The following FGF14 variants were observed in gnomAD, a reference collection of about 807,000 sequenced individuals.
FGF14 encodes fibroblast growth factor homologous factor 4.
In FGF14, 5 loss-of-function variants were observed where a neutral mutation model predicts 25.5. The observed-to-expected ratio is 0.20, with a 90% CI of 0.10 to 0.41. The LOEUF is 0.41. FGF14 is among the 10% of genes least tolerant of loss of function. The pLI, the probability that FGF14 is intolerant of heterozygous loss-of-function variation, is 1.00. For missense variants in FGF14, 222 were observed against 320.1 expected, an observed-to-expected ratio of 0.69 and a Z score of 2.34; for synonymous variants, 138 against 118.3, an observed-to-expected ratio of 1.17 and a Z score of -1.08.
At chr13:102,304,108 T>A (rs186810487) in intron 1 of FGF14, among the ~76,000 whole-genome samples, 1 of 152,190 alleles carries the variant, frequency 6.6e-6, no homozygotes, top group East Asian at 1.9e-4. Flanking sequence ...ATCATCATCA[T>A]CATCATCATA....
At chr13:102,147,553 C>G (rs183166934) in intron 1 of FGF14, among the ~76,000 whole-genome samples, 3 of 152,248 alleles carry the variant, frequency 2.0e-5, no homozygotes, top group Non-Finnish European at 4.4e-5. Flanking sequence ...TGCAGAGATA[C>G]AAAAGATTAC....
intron 1 of FGF14, among the ~76,000 whole-genome samples, chr13:102,082,726 G>A (rs1033668211): frequency 9.9e-5 from 15 of 152,150 alleles, no homozygotes; most frequent in African/African-American, 2.6e-4. Flanking sequence ...AGGCCGAGGC[G>A]GGCGGATCAC....
chr13:101,733,574 A>G (rs1290581564), intron 3 of FGF14, among the ~76,000 whole-genome samples: 1 of 143,342 alleles, frequency 7.0e-6, no homozygotes, highest in Non-Finnish European at 1.5e-5. Context: ...CAGCCTGGCG[A>G]CAGAACAAGA....
At chr13:102,182,205 C>A (rs1036868373) in intron 1 of FGF14, among the ~76,000 whole-genome samples, 1 of 152,078 alleles carries the variant, frequency 6.6e-6, no homozygotes, top group African/African-American at 2.4e-5. Context: ...TTTACAGAGA[C>A]GCTACATTCC....
At chr13:101,743,323 G>A (rs181996449) in intron 3 of FGF14, among the ~76,000 whole-genome samples, 13 of 152,262 alleles carry the variant, frequency 8.5e-5, no homozygotes, top group Admixed American at 7.9e-4. Flanking sequence ...TAACTGTGAG[G>A]CAGATCAATA....
In FGF14 at chr13:101,881,383, T is replaced by A. The variant is rs77326784; in HGVS notation, c.194-6087A>T. Among the ~76,000 whole-genome samples, 1,740 of 152,276 alleles carry A rather than the reference T, an allele frequency of 0.011. 124 individuals carry two copies. The East Asian group carries it at 0.18, about 16-fold the overall frequency. ...AATGGACAATAAAATGGCCAAAATA[T>A]CAAATCTATTGTCCCACCTTATTTA... On this transcript the variant is annotated intron_variant, in intron 1 of 4. Coordinates refer to ENST00000376143, the MANE Select transcript of FGF14 (RefSeq NM_004115.4).
chr13:102,200,868 C>T (rs2049590442), intron 1 of FGF14, among the ~76,000 whole-genome samples: 1 of 151,890 alleles, frequency 6.6e-6, no homozygotes, highest in Non-Finnish European at 1.5e-5. Context: ...ATTGGGAGGA[C>T]AAGGCGGGCG....
chr13:102,333,882 G>A (rs767073844), intron 1 of FGF14, among the ~76,000 whole-genome samples: 3 of 152,178 alleles, frequency 2.0e-5, no homozygotes, highest in Non-Finnish European at 4.4e-5. Context: ...TTTGACGACT[G>A]AAGGGTGCAT....
intron 3 of FGF14, among the ~76,000 whole-genome samples, chr13:101,825,237 C>G (rs563385082): frequency 6.6e-5 from 10 of 152,162 alleles, no homozygotes; most frequent in African/African-American, 2.2e-4. Context: ...CTGACACTAA[C>G]TCCAGGCAGA....
chr13:102,399,456 C>T (rs532634382), intron 1 of FGF14, among the ~76,000 whole-genome samples: 5 of 152,282 alleles, frequency 3.3e-5, no homozygotes, highest in African/African-American at 9.6e-5. Flanking sequence ...AAGCAGTCAC[C>T]CCTGCCCTTC....
At chr13:101,897,082 A>T (rs1280712374) in intron 1 of FGF14, among the ~76,000 whole-genome samples, 1 of 152,190 alleles carries the variant, frequency 6.6e-6, no homozygotes, top group Non-Finnish European at 1.5e-5. Flanking sequence ...AATTAGAAAC[A>T]TGGTATGCTA....
At chr13:101,994,022 A>G (rs1007066338) in intron 1 of FGF14, among the ~76,000 whole-genome samples, 2 of 152,092 alleles carry the variant, frequency 1.3e-5, no homozygotes, top group Admixed American at 1.3e-4. Context: ...CATTTCTTAC[A>G]TGTGATAATA....
chr13:102,032,031 C>T (rs898802018), intron 1 of FGF14, among the ~76,000 whole-genome samples: 1 of 152,064 alleles, frequency 6.6e-6, no homozygotes, highest in African/African-American at 2.4e-5. Context: ...GAATTTATAA[C>T]ATCAAGGGAA....
At chr13:101,909,826 AG>A (rs1296801106) in intron 1 of FGF14, among the ~76,000 whole-genome samples, 1 of 152,222 alleles carries the variant, frequency 6.6e-6, no homozygotes, top group Non-Finnish European at 1.5e-5. Context: ...ACAATAGCAA[AG>A]ACTTGGAACC....
chr13:102,360,049 A>G (rs2057523709), intron 1 of FGF14, among the ~76,000 whole-genome samples: 1 of 152,186 alleles, frequency 6.6e-6, no homozygotes, highest in Admixed American at 6.5e-5. Flanking sequence ...AGCTATAAAT[A>G]TCAGAAGTAG....
intron 2 of FGF14, among the ~76,000 whole-genome samples, chr13:101,870,383 A>T (rs1416153714): frequency 6.6e-6 from 1 of 152,176 alleles, no homozygotes; most frequent in African/African-American, 2.4e-5. Flanking sequence ...TTGGAGGGAA[A>T]ACCATAATCA....
chr13:101,840,895 T>A lies in FGF14; in HGVS notation c.408+27830A>T, dbSNP rs146307711. 4.6e-5 allele frequency among the ~76,000 whole-genome samples: 7 copies of A among 152,136 alleles called. No individual in the cohort carries two copies. In the East Asian group the frequency reaches 7.8e-4, roughly 17 times the overall value. The stretch of plus-strand genomic sequence containing the variant: ...AACATTTTATGTCTACATAAACTGG[T>A]ACAAAGATGCCATTATCGGGGCAAT... On this transcript the variant is annotated intron_variant, in intron 3 of 4. Coordinates refer to ENST00000376143, the MANE Select transcript of FGF14 (RefSeq NM_004115.4).
chr13:102,150,083 A>G (rs1442098733), intron 1 of FGF14, among the ~76,000 whole-genome samples: 1 of 152,150 alleles, frequency 6.6e-6, no homozygotes, highest in African/African-American at 2.4e-5. Context: ...AAGCGGAGTA[A>G]GACAGTGGAA....
At chr13:102,214,146 A>C (rs1566824652) in intron 1 of FGF14, among the ~76,000 whole-genome samples, 1 of 152,222 alleles carries the variant, frequency 6.6e-6, no homozygotes, top group Non-Finnish European at 1.5e-5. Flanking sequence ...CATAACTTGT[A>C]ATACTTGAGT....
Sources: allele counts gnomAD v4.1 joint callset (sites outside exome capture counted in the v4.1 genomes callset), GRCh38; gene constraint gnomAD v4.1.1; transcripts MANE v1.5; gene names NCBI Gene and HGNC (gene_info 2026-07-23, HGNC 2026-07-21).